Variants in NRXN1 observed in about 807,000 individuals in gnomAD.
NRXN1 encodes the protein neurexin 1, also known as neurexin-1.
A neutral mutation model predicts 150.9 loss-of-function variants in NRXN1; 39 were observed. That is an observed-to-expected ratio of 0.26 (90% CI 0.20 to 0.34). The LOEUF is 0.34. Among genes scored for constraint, NRXN1 ranks in the 10% least tolerant of loss-of-function variants. The pLI is 1.00. For synonymous variants in NRXN1, 924 were observed against 757.0 expected, an observed-to-expected ratio of 1.22 and a Z score of -3.62; for missense variants, 1,815 against 1,949.9, an observed-to-expected ratio of 0.93 and a Z score of 1.30.
intron 8 of NRXN1, chr2:50,589,101 G>A (rs1007360344): frequency 3.7e-4 from 56 of 152,238 alleles, no homozygotes; most frequent in African/African-American, 1.3e-3. Context: ...TACAGGATAG[G>A]GTCTCCCCCT....
At chr2:50,647,200 G>A (rs1684952536) in intron 5 of NRXN1, among the ~76,000 whole-genome samples, 1 of 151,782 alleles carries the variant, frequency 6.6e-6, no homozygotes, top group African/African-American at 2.4e-5. Flanking sequence ...AAGAAAAAAA[G>A]CGGAAACTTA....
At chr2:50,947,878 C>T (rs1445098735) in intron 2 of NRXN1, among the ~76,000 whole-genome samples, 2 of 151,882 alleles carry the variant, frequency 1.3e-5, no homozygotes, top group Admixed American at 6.6e-5. Flanking sequence ...TCTCATCACG[C>T]TGAGTATCAA....
intron 19 of NRXN1, among the ~76,000 whole-genome samples, chr2:50,063,937 T>G (rs1694953487): frequency 6.6e-6 from 1 of 152,166 alleles, no homozygotes; most frequent in Non-Finnish European, 1.5e-5. Context: ...AGGTAATTTT[T>G]TGCATGATAA....
At chr2:50,472,096 A>T (rs1178800143) in intron 16 of NRXN1, among the ~76,000 whole-genome samples, 1 of 151,850 alleles carries the variant, frequency 6.6e-6, no homozygotes, top group Non-Finnish European at 1.5e-5. Flanking sequence ...CTCCCATTTT[A>T]CATTGGGCAT....
chr2:50,825,329 CA>C (rs751576833), intron 5 of NRXN1, among the ~76,000 whole-genome samples: 2 of 152,148 alleles, frequency 1.3e-5, no homozygotes, highest in Non-Finnish European at 2.9e-5. Context: ...TGCTGGCTGG[CA>C]GCCTCTAGAT....
chr2:50,440,060 G>A lies in NRXN1; in HGVS notation c.3364+25382C>T, dbSNP rs558638014. 8.5e-5 allele frequency among the ~76,000 whole-genome samples: 13 copies of A among 152,266 alleles called. No homozygotes were observed. In the South Asian group the frequency reaches 2.7e-3, roughly 32 times the overall value. ...TTTATGACTAGAGGAAAAAGGGAAA[G>A]ATTTACGGACACTTCAACTCATCCT... On this transcript the variant is annotated intron_variant, in intron 17 of 22. Transcript: ENST00000401669.
chr2:50,050,818 C>T (rs1692598937), intron 21 of NRXN1, among the ~76,000 whole-genome samples: 1 of 151,886 alleles, frequency 6.6e-6, no homozygotes. Flanking sequence ...GTGTTGTTAT[C>T]TGTATTCATA....
At chr2:49,928,223 C>T (rs1415347038) in intron 22 of NRXN1, among the ~76,000 whole-genome samples, 1 of 151,158 alleles carries the variant, frequency 6.6e-6, no homozygotes, top group Non-Finnish European at 1.5e-5. Context: ...TTCTGCTAAC[C>T]AGAATTGTTA....
chr2:50,401,581 T>C (rs1321195592), intron 17 of NRXN1, among the ~76,000 whole-genome samples: 2 of 152,038 alleles, frequency 1.3e-5, no homozygotes, highest in Non-Finnish European at 2.9e-5. Flanking sequence ...GACACTTTAC[T>C]AGATGAATTC....
At chr2:50,501,481 G>C (rs1309457100) in intron 13 of NRXN1, among the ~76,000 whole-genome samples, 1 of 151,232 alleles carries the variant, frequency 6.6e-6, no homozygotes, top group Non-Finnish European at 1.5e-5. Flanking sequence ...AGTTATAGTA[G>C]AAATGAAAAT....
intron 5 of NRXN1, among the ~76,000 whole-genome samples, chr2:50,752,998 T>C (rs1409393701): frequency 6.6e-6 from 1 of 151,958 alleles, no homozygotes; most frequent in Non-Finnish European, 1.5e-5. Flanking sequence ...TTTATATAAA[T>C]ACTACTCAAC....
At chr2:50,399,014 G>GA (rs1473038034) in intron 17 of NRXN1, among the ~76,000 whole-genome samples, 1 of 152,146 alleles carries the variant, frequency 6.6e-6, no homozygotes, top group Non-Finnish European at 1.5e-5. Flanking sequence ...ATATGTGCGT[G>GA]ACTATTTTCA....
At chr2:50,122,745 A>T (rs1350388772) in intron 18 of NRXN1, among the ~76,000 whole-genome samples, 1 of 152,226 alleles carries the variant, frequency 6.6e-6, no homozygotes, top group African/African-American at 2.4e-5. Context: ...AATGGGAACG[A>T]GTGTATTCTT....
intron 5 of NRXN1, among the ~76,000 whole-genome samples, chr2:50,829,241 G>A (rs923858609): frequency 2.6e-5 from 4 of 151,504 alleles, no homozygotes; most frequent in Admixed American, 6.6e-5. Context: ...GAGGGAGACC[G>A]TGGGGAGAGG....
rs1575169276 is a variant in NRXN1, at chr2:50,346,919, C to G, written c.3365-109949G>C. On this transcript the variant is annotated intron_variant, in intron 17 of 22. Transcript: ENST00000401669. The surrounding 1 kb of genome is among the most constrained non-coding windows in gnomAD (Gnocchi z 5.0). ...CCGCCGCCCCCGGGCGAGCCCAGCT[C>G]GGCGCCGCACCGGAGCATCCTCTGG... 1.5e-6 allele frequency: 2 copies of G among 1,296,686 alleles called. No individual in the cohort carries two copies. The highest frequency in any genetic ancestry group is 3.8e-5 in the East Asian group (1 of 26,244). 80.3% of individuals were successfully genotyped at this position (1,296,686 alleles called of 1,614,324 possible).
chr2:50,854,041 C>T (rs929859016), intron 5 of NRXN1, among the ~76,000 whole-genome samples: 9 of 151,990 alleles, frequency 5.9e-5, no homozygotes, highest in African/African-American at 2.2e-4. Context: ...CATTTTTAAT[C>T]TGAAACCTCT....
chr2:50,544,036 TAA>T (rs967775548), intron 9 of NRXN1, among the ~76,000 whole-genome samples: 3 of 152,150 alleles, frequency 2.0e-5, no homozygotes, highest in African/African-American at 7.2e-5. Flanking sequence ...GATGGATTAT[TAA>T]GATTCATTTT....
At chr2:50,727,980 T>C (rs1173728261) in intron 5 of NRXN1, among the ~76,000 whole-genome samples, 1 of 152,178 alleles carries the variant, frequency 6.6e-6, no homozygotes, top group Admixed American at 6.5e-5. Flanking sequence ...CCATTATTTC[T>C]ATCTGTGGAA....
intron 19 of NRXN1, among the ~76,000 whole-genome samples, chr2:50,069,584 C>T (rs564322790): frequency 3.9e-5 from 6 of 152,270 alleles, no homozygotes; most frequent in African/African-American, 1.2e-4. Context: ...TTAAAACTAA[C>T]TTATGGTGCC....
Sources: allele counts gnomAD v4.1 joint callset (sites outside exome capture counted in the v4.1 genomes callset), GRCh38; gene constraint gnomAD v4.1.1; non-coding constraint Gnocchi (gnomAD v3.1); transcripts MANE v1.5; gene names NCBI Gene and HGNC (gene_info 2026-07-23, HGNC 2026-07-21).